The following AGBL1 variants were observed in gnomAD, a reference collection of about 807,000 sequenced individuals.
The protein encoded by AGBL1 is AGBL carboxypeptidase 1, also known as cytosolic carboxypeptidase 4.
Under a neutral mutation model 118.9 loss-of-function variants are expected in AGBL1, and 130 were observed. That is an observed-to-expected ratio of 1.09 (90% CI 0.95 to 1.26). AGBL1 has a LOEUF of 1.26. Among genes scored for constraint, AGBL1 ranks in the 50% most tolerant of loss-of-function variants. The probability of loss-of-function intolerance (pLI) is 0.00; values close to 1 mark genes in which losing one functional copy is unlikely to be tolerated. For missense variants in AGBL1, 1,584 were observed against 1,298.1 expected (o/e 1.22, Z -3.38); for synonymous variants, 555 against 478.9 (o/e 1.16, Z -2.08).
intron 22 of AGBL1, among the ~76,000 whole-genome samples, chr15:86,785,260 G>C (rs760397051): frequency 2.0e-5 from 3 of 151,904 alleles, no homozygotes; most frequent in Non-Finnish European, 4.4e-5. Context: ...GGGGAAGCAT[G>C]GTCAAGGTCA....
intron 1 of AGBL1, among the ~76,000 whole-genome samples, chr15:86,104,366 T>C (rs1220470488): frequency 6.6e-6 from 1 of 152,100 alleles, no homozygotes; most frequent in Non-Finnish European, 1.5e-5. Context: ...GCAGCAGCCA[T>C]AGACAGGCAG....
At chr15:86,880,855 G>A (rs1265191539) in intron 22 of AGBL1, among the ~76,000 whole-genome samples, 1 of 152,112 alleles carries the variant, frequency 6.6e-6, no homozygotes, top group South Asian at 2.1e-4. Context: ...TTCTCCTGCA[G>A]CCTTGGCCTT....
intron 21 of AGBL1, among the ~76,000 whole-genome samples, chr15:86,649,429 T>G (rs2085334356): frequency 6.6e-6 from 1 of 152,188 alleles, no homozygotes; most frequent in Non-Finnish European, 1.5e-5. Context: ...AGAAACATAC[T>G]GTGATGACTT....
chr15:86,215,195 CTG>C lies in AGBL1; in HGVS notation c.489-9706_489-9705del, dbSNP rs1203587529. Among the ~76,000 whole-genome samples the C allele has an allele frequency of 7.5e-5, 11 of 146,582 alleles. 1 individual carries two copies. The highest frequency in any genetic ancestry group is 2.0e-4 in the East Asian group (1 of 4,964). ...TACCACTTTTCTTGGTCACCTGGCT[CTG>C]TGTGTGTGTGTGAGTGTATATGTAT... On this transcript the variant is annotated intron_variant, in intron 5 of 22. Transcript: ENST00000614907.
chr15:86,345,317 T>C (rs1158476034), intron 17 of AGBL1, among the ~76,000 whole-genome samples: 1 of 152,168 alleles, frequency 6.6e-6, no homozygotes, highest in Non-Finnish European at 1.5e-5. Flanking sequence ...GCCATCCCCC[T>C]GGTGTTTAAC....
chr15:86,397,674 T>G, intron 18 of AGBL1, 128 bp downstream of exon 18: 1 of 852,282 alleles, frequency 1.2e-6, no homozygotes, highest in Non-Finnish European at 1.8e-6. Context: ...GTTTTCTGTT[T>G]TCTGCTACAA....
At chr15:86,083,848 A>C (rs1340068716) in intron 1 of AGBL1, 2 of 152,396 alleles carry the variant, frequency 1.3e-5, no homozygotes, top group Middle Eastern at 3.4e-3. Flanking sequence ...ACATGGGAAC[A>C]TCCAACTATT....
chr15:86,292,433 C>T (rs1046175474), intron 16 of AGBL1, among the ~76,000 whole-genome samples: 1 of 152,040 alleles, frequency 6.6e-6, no homozygotes, highest in African/African-American at 2.4e-5. Context: ...CCTACTGACA[C>T]CTTGAATTTT....
chr15:86,774,480 C>T (rs1446245740), intron 22 of AGBL1, among the ~76,000 whole-genome samples: 1 of 151,936 alleles, frequency 6.6e-6, no homozygotes, highest in Non-Finnish European at 1.5e-5. Flanking sequence ...ATATTGGGGG[C>T]ACAATATTGA....
chr15:86,833,125 G>A (rs8025978), intron 22 of AGBL1, among the ~76,000 whole-genome samples: 28,657 of 151,986 alleles, frequency 0.19, 2,774 homozygotes, highest in East Asian at 0.3. Flanking sequence ...CAATTGCTTC[G>A]CATTGGGTTC....
At position 86,674,344 on chromosome 15, in the gene AGBL1, G is replaced by A. The variant is rs2085799038; in HGVS notation, c.3066G>A (p.Glu1022=). ...AMFCLGLLIL[E]LKSASCSHQL... ...TCTGTTTGGGCCTCCTCATCCTGGA[G>A]CTCAAATCTGCCAGCTGCAGCCATC... The change falls in exon 22 of 23, where the codon GAG becomes GAA. Residue 1022 remains glutamate (E), a synonymous_variant. Transcript: ENST00000614907. The A allele has an allele frequency of 2.5e-6, 4 of 1,612,304 alleles. No homozygotes were observed. Among genetic ancestry groups the A allele is most frequent in the Non-Finnish European group, 3.4e-6 (4 of 1,179,290 alleles).
intron 21 of AGBL1, among the ~76,000 whole-genome samples, chr15:86,608,897 C>A (rs1282765861): frequency 6.6e-6 from 1 of 152,172 alleles, no homozygotes; most frequent in African/African-American, 2.4e-5. Flanking sequence ...TATCACAGGG[C>A]TTCCAAGTTG....
intron 22 of AGBL1, among the ~76,000 whole-genome samples, chr15:86,859,283 G>T (rs571431500): frequency 7.0e-4 from 107 of 152,288 alleles, no homozygotes; most frequent in African/African-American, 2.4e-3. Flanking sequence ...CTTCCCACAG[G>T]CAGTGATGAC....
chr15:86,369,688 C>T (rs1053559550), intron 17 of AGBL1, among the ~76,000 whole-genome samples: 4 of 151,880 alleles, frequency 2.6e-5, no homozygotes, highest in African/African-American at 9.7e-5. Flanking sequence ...TTAAGATGAC[C>T]CTCAGAGAAG....
chr15:86,979,251 A>T (rs1210155959), intron 23 of AGBL1, among the ~76,000 whole-genome samples: 1 of 152,210 alleles, frequency 6.6e-6, no homozygotes, highest in African/African-American at 2.4e-5. Context: ...ATCCATTATG[A>T]CAATTTGGGA....
At chr15:86,281,437 G>T (rs2079352859) in intron 16 of AGBL1, among the ~76,000 whole-genome samples, 1 of 152,158 alleles carries the variant, frequency 6.6e-6, no homozygotes, top group South Asian at 2.1e-4. Flanking sequence ...TGCTAGGGAT[G>T]GGGATTCCTT....
chr15:87,031,089 C>G (rs1400501333), downstream of AGBL1, among the ~76,000 whole-genome samples: 1 of 152,034 alleles, frequency 6.6e-6, no homozygotes, highest in Admixed American at 6.6e-5. Context: ...TCAATTCCCA[C>G]TACAATATCT....
intron 6 of AGBL1, among the ~76,000 whole-genome samples, chr15:86,235,571 C>A (rs2078527439): frequency 6.6e-6 from 1 of 152,166 alleles, no homozygotes; most frequent in Non-Finnish European, 1.5e-5. Context: ...ATCATGGCTT[C>A]CTCATCACTT....
At chr15:86,335,677 T>C (rs2080356883) in intron 17 of AGBL1, among the ~76,000 whole-genome samples, 1 of 152,244 alleles carries the variant, frequency 6.6e-6, no homozygotes, top group Non-Finnish European at 1.5e-5. Flanking sequence ...TCCTTGATTA[T>C]TGTTTTCTAA....
Sources: allele counts gnomAD v4.1 joint callset (sites outside exome capture counted in the v4.1 genomes callset), GRCh38; gene constraint gnomAD v4.1.1; transcripts MANE v1.5; gene names NCBI Gene and HGNC (gene_info 2026-07-23, HGNC 2026-07-21).